The following GRM7 variants were observed in gnomAD, a reference collection of about 807,000 sequenced individuals.
The protein encoded by GRM7 is metabotropic glutamate receptor 7.
A neutral mutation model predicts 84.5 loss-of-function variants in GRM7; 35 were observed. The observed-to-expected ratio is 0.41, with a 90% CI of 0.32 to 0.55. The LOEUF is 0.55. Ranked by LOEUF, GRM7 falls within the 20% of genes least tolerant of loss-of-function variation. GRM7 has a pLI of 0.19. For missense variants in GRM7, 1,003 were observed against 1,194.6 expected (o/e 0.84, Z 2.36); for synonymous variants, 487 against 455.1 (o/e 1.07, Z -0.89).
rs144566037 is a variant in GRM7 at position 6,900,702 on chromosome 3, G to T, written c.519+38795G>T. On this transcript the variant is annotated intron_variant, in intron 1 of 9. Coordinates refer to ENST00000357716, the MANE Select transcript of GRM7 (RefSeq NM_000844.4). ...AAGAAGCTTATAGAGAGACCGAAAG[G>T]GTTCTTTTAAGGATATATTTGAATG... Among the ~76,000 whole-genome samples the T allele has an allele frequency of 2.4e-4, 37 of 152,184 alleles. 1 individual carries two copies. Among genetic ancestry groups the T allele is most frequent in the Admixed American group, 7.2e-4 (11 of 15,278 alleles).
intron 1 of GRM7, among the ~76,000 whole-genome samples, chr3:7,089,637 G>T: frequency 6.6e-6 from 1 of 152,106 alleles, no homozygotes; most frequent in East Asian, 1.9e-4. Flanking sequence ...AGGAAAAACA[G>T]TAACATGTGA....
At chr3:7,628,856 A>G (rs1036987664) in intron 8 of GRM7, among the ~76,000 whole-genome samples, 1 of 152,202 alleles carries the variant, frequency 6.6e-6, no homozygotes, top group Non-Finnish European at 1.5e-5. Context: ...CAGAGGTAAC[A>G]CTGAACAATG....
intron 2 of GRM7, among the ~76,000 whole-genome samples, chr3:7,269,847 C>T (rs537485390): frequency 6.6e-6 from 1 of 152,248 alleles, no homozygotes; most frequent in Non-Finnish European, 1.5e-5. Context: ...TGCAGCTCCC[C>T]CTTTCCCTAC....
intron 2 of GRM7, among the ~76,000 whole-genome samples, chr3:7,269,241 C>G (rs920092260): frequency 6.6e-6 from 1 of 152,100 alleles, no homozygotes; most frequent in African/African-American, 2.4e-5. Context: ...TCACAGATAC[C>G]CTTTCCAATG....
At chr3:7,020,624 C>A (rs9840112) in intron 1 of GRM7, among the ~76,000 whole-genome samples, 61,622 of 152,028 alleles carry the variant, frequency 0.41, 14,638 homozygotes, top group East Asian at 0.5. Context: ...TATCACAATT[C>A]GAATGAATGT....
chr3:7,388,841 T>A (rs1156328), intron 4 of GRM7, among the ~76,000 whole-genome samples: 21,601 of 152,070 alleles, frequency 0.14, 1,662 homozygotes, highest in South Asian at 0.27. Context: ...GAAGCAATTT[T>A]TCATTTTATT....
intron 8 of GRM7, chr3:7,636,105 A>C: frequency 5.7e-6 from 2 of 349,358 alleles, no homozygotes; most frequent in Non-Finnish European, 1.2e-5. Flanking sequence ...AAATAGGTTT[A>C]TGGTGAATTC....
rs541404105 is a variant in GRM7 at position 7,402,896 on chromosome 3, C to A, written c.1034-12127C>A. On this transcript the variant is annotated intron_variant, in intron 4 of 9. Transcript: ENST00000357716. ...AAGGTTGCTTTCTTTTCCCCTCAAT[C>A]ATTAGGTGGTGGCTGAATCTGTGAT... Among the ~76,000 whole-genome samples the A allele has an allele frequency of 4.0e-5, 6 of 151,130 alleles. 1 individual carries two copies. The South Asian group carries it at 1.3e-3, about 32-fold the overall frequency.
At chr3:7,519,861 C>T (rs1185020266) in intron 7 of GRM7, 1 of 152,352 alleles carries the variant, frequency 6.6e-6, no homozygotes, top group Non-Finnish European at 1.5e-5. Context: ...AAGCTTCATT[C>T]ACTCACTGGG....
At chr3:7,603,425 C>T (rs755463048) in intron 8 of GRM7, among the ~76,000 whole-genome samples, 11 of 152,046 alleles carry the variant, frequency 7.2e-5, no homozygotes, top group Non-Finnish European at 1.5e-4. Context: ...TGTTTTATGA[C>T]AAGTCACAGA....
At chr3:7,239,469 G>A (rs990673043) in intron 2 of GRM7, among the ~76,000 whole-genome samples, 5 of 152,126 alleles carry the variant, frequency 3.3e-5, no homozygotes, top group African/African-American at 1.2e-4. Flanking sequence ...GACTGACCAT[G>A]AACATAAAAT....
At chr3:6,906,184 G>A (rs530034804) in intron 1 of GRM7, among the ~76,000 whole-genome samples, 8 of 152,196 alleles carry the variant, frequency 5.3e-5, no homozygotes, top group Non-Finnish European at 1.2e-4. Context: ...GGTTGACTTG[G>A]GCAATGGGGG....
intron 4 of GRM7, among the ~76,000 whole-genome samples, chr3:7,307,529 T>A (rs888949019): frequency 2.0e-5 from 3 of 152,158 alleles, no homozygotes; most frequent in South Asian, 4.1e-4. Context: ...TAATTAATTA[T>A]TCTCCTCAGA....
intron 2 of GRM7, among the ~76,000 whole-genome samples, chr3:7,216,106 A>G (rs2124861219): frequency 6.6e-6 from 1 of 152,270 alleles, no homozygotes; most frequent in Admixed American, 6.5e-5. Flanking sequence ...CTCTGATTCT[A>G]TTTTTATTTC....
chr3:7,404,292 C>T (rs1016519762), intron 4 of GRM7, among the ~76,000 whole-genome samples: 14 of 152,266 alleles, frequency 9.2e-5, no homozygotes, highest in African/African-American at 3.4e-4. Flanking sequence ...GCAAGCACTC[C>T]TCTTGTAATC....
intron 1 of GRM7, among the ~76,000 whole-genome samples, chr3:6,947,848 G>T (rs1575052241): frequency 6.6e-6 from 1 of 152,178 alleles, no homozygotes; most frequent in African/African-American, 2.4e-5. Context: ...GTGTAGAGGT[G>T]TTTATAGTGT....
chr3:7,725,186 G>A (rs1232303349), intron 9 of GRM7, among the ~76,000 whole-genome samples: 1 of 152,146 alleles, frequency 6.6e-6, no homozygotes, highest in African/African-American at 2.4e-5. Context: ...GGAGCAACTG[G>A]GGGTTGGCAA....
In GRM7 at chr3:6,861,862, G is replaced by A. The variant is rs757826887; in HGVS notation, c.474G>A (p.Gly158=). The change falls in exon 1 of 10, where the codon GGG becomes GGA. Residue 158 remains glycine (G), a synonymous_variant. Transcript: ENST00000357716. The surrounding 1 kb of genome is among the most constrained non-coding windows in gnomAD (Gnocchi z 6.4). ...EKVVGVIGAS[G]SSVSIMVANI... is the part of the protein sequence containing the mutation. ...TAGTTGGAGTGATTGGGGCTTCGGG[G>A]AGTTCGGTCTCCATCATGGTAGCCA... 1 of 1,613,982 alleles carries A rather than the reference G, an allele frequency of 6.2e-7. No individual in the cohort carries two copies. Among genetic ancestry groups the A allele is most frequent in the South Asian group, 1.1e-5 (1 of 91,064 alleles).
At chr3:6,907,815 C>T (rs1203922776) in intron 1 of GRM7, among the ~76,000 whole-genome samples, 2 of 152,178 alleles carry the variant, frequency 1.3e-5, no homozygotes, top group Non-Finnish European at 2.9e-5. Flanking sequence ...CAGTCCTCTT[C>T]ATTCAACCTT....
Sources: allele counts gnomAD v4.1 joint callset (sites outside exome capture counted in the v4.1 genomes callset), GRCh38; gene constraint gnomAD v4.1.1; non-coding constraint Gnocchi (gnomAD v3.1); transcripts MANE v1.5; gene names NCBI Gene and HGNC (gene_info 2026-07-23, HGNC 2026-07-21).